Variants in SEMA5B observed in about 807,000 individuals in gnomAD.
SEMA5B encodes semaphorin-5B.
SEMA5B carries 66 observed loss-of-function variants against 135.0 expected under a neutral mutation model. The ratio of observed to expected loss-of-function variants is 0.49; its 90% confidence interval spans 0.40 to 0.60. SEMA5B has a LOEUF of 0.60. Among genes scored for constraint, SEMA5B ranks in the 20% least tolerant of loss-of-function variants. The pLI is 0.00. For synonymous variants in SEMA5B, 690 were observed against 639.5 expected, an observed-to-expected ratio of 1.08 and a Z score of -1.19; for missense variants, 1,501 against 1,566.3, an observed-to-expected ratio of 0.96 and a Z score of 0.70.
chr3:122,913,707 C>G, intron 15 of SEMA5B, 26 bp from the exon 16 acceptor site: 1 of 1,609,196 alleles, frequency 6.2e-7, no homozygotes, highest in South Asian at 1.1e-5. Flanking sequence ...AGGCGTCAAT[C>G]CAGGGAGGGG....
chr3:122,968,723 A>G (rs1303258605), intron 1 of SEMA5B, among the ~76,000 whole-genome samples: 2 of 152,146 alleles, frequency 1.3e-5, no homozygotes, highest in African/African-American at 4.8e-5. Context: ...CCTTCAGTCC[A>G]GGGTAGCTTT....
chr3:123,023,479 G>A (rs1315799812), intron 1 of SEMA5B, among the ~76,000 whole-genome samples: 1 of 152,126 alleles, frequency 6.6e-6, no homozygotes, highest in Non-Finnish European at 1.5e-5. Flanking sequence ...TGCATCCCCA[G>A]AGCTCCAGAT....
intron 1 of SEMA5B, among the ~76,000 whole-genome samples, chr3:123,013,197 G>C (rs941544319): frequency 3.0e-4 from 46 of 152,216 alleles, no homozygotes; most frequent in African/African-American, 9.4e-4. Flanking sequence ...TCCTATCTCA[G>C]CCTGGCTCAG....
intron 1 of SEMA5B, among the ~76,000 whole-genome samples, chr3:122,967,189 G>C (rs1940892251): frequency 6.6e-6 from 1 of 152,096 alleles, no homozygotes; most frequent in African/African-American, 2.4e-5. Flanking sequence ...CCAGCCTTAA[G>C]AATGTTTATT....
Position 123,002,911 on chromosome 3 carries a change from G to A in SEMA5B, c.-39+24553C>T, listed in dbSNP as rs550117487. On this transcript the variant is annotated intron_variant, in intron 1 of 22. Coordinates refer to ENST00000357599, the MANE Select transcript of SEMA5B (RefSeq NM_001031702.4). ...GATGACCCCGGACATACTTATTTCC[G>A]GAGATAAGGATGAGGTGGCACTTTG... Among the ~76,000 whole-genome samples the A allele has an allele frequency of 5.3e-5, 8 of 152,188 alleles. No homozygotes were observed. In the South Asian group the frequency reaches 6.3e-4, roughly 12 times the overall value.
At chr3:122,917,465 G>C (rs1446433022) in intron 12 of SEMA5B, among the ~76,000 whole-genome samples, 2 of 152,142 alleles carry the variant, frequency 1.3e-5, no homozygotes, top group Non-Finnish European at 2.9e-5. Flanking sequence ...GGCATCCCTG[G>C]GGTAGAATTT....
At position 122,961,112 on chromosome 3, in the gene SEMA5B, C is replaced by T. The variant is rs776664137; in HGVS notation, c.124+28G>A. The T allele has an allele frequency of 1.3e-5, 21 of 1,577,946 alleles. No homozygotes were observed. The East Asian group carries it at 1.4e-4, about 10-fold the overall frequency. On this transcript the variant is annotated intron_variant, in intron 2 of 22. Coordinates refer to ENST00000357599, the MANE Select transcript of SEMA5B (RefSeq NM_001031702.4). ...CCCCTCAGTCTGGTACCTGCTGCAG[C>T]CCCCCACACTCCCCTGGGCACACTT...
chr3:122,914,621 T>C (rs954100936), intron 14 of SEMA5B, among the ~76,000 whole-genome samples: 1 of 152,216 alleles, frequency 6.6e-6, no homozygotes, highest in Non-Finnish European at 1.5e-5. Context: ...TTAATAAATG[T>C]GTATGAAATA....
intron 12 of SEMA5B, among the ~76,000 whole-genome samples, chr3:122,921,300 C>T (rs1465196496): frequency 6.6e-6 from 1 of 152,180 alleles, no homozygotes; most frequent in East Asian, 1.9e-4. Flanking sequence ...GCTTTGGTTT[C>T]CCCCTTAAAC....
At chr3:122,963,589 T>C (rs1940686868) in intron 1 of SEMA5B, among the ~76,000 whole-genome samples, 1 of 152,022 alleles carries the variant, frequency 6.6e-6, no homozygotes, top group African/African-American at 2.4e-5. Context: ...AGAATCCAAA[T>C]GGCCTGAAAG....
At chr3:123,000,986 GGA>G (rs1316127755) in intron 1 of SEMA5B, among the ~76,000 whole-genome samples, 2 of 152,158 alleles carry the variant, frequency 1.3e-5, no homozygotes, top group Non-Finnish European at 2.9e-5. Context: ...GTTTTGCAAG[GGA>G]CTGCACTAGA....
At chr3:122,933,320 T>C (rs1257406205) in intron 5 of SEMA5B, among the ~76,000 whole-genome samples, 1 of 152,170 alleles carries the variant, frequency 6.6e-6, no homozygotes, top group Non-Finnish European at 1.5e-5. Context: ...TCTCTCTTCA[T>C]ACTTGATTGG....
intron 2 of SEMA5B, among the ~76,000 whole-genome samples, chr3:122,955,056 CCT>C: frequency 6.6e-6 from 1 of 151,800 alleles, no homozygotes; most frequent in Non-Finnish European, 1.5e-5. Context: ...ATCACCTCAA[CCT>C]CCCAAAATGC....
At chr3:122,935,103 CTTTG>C (rs1418872789) in intron 5 of SEMA5B, among the ~76,000 whole-genome samples, 2 of 152,122 alleles carry the variant, frequency 1.3e-5, no homozygotes, top group South Asian at 2.1e-4. Context: ...AAAAAAGCAT[CTTTG>C]TTTGTTTGCT....
chr3:123,022,500 G>A (rs926128044), intron 1 of SEMA5B, among the ~76,000 whole-genome samples: 7 of 152,176 alleles, frequency 4.6e-5, no homozygotes, highest in East Asian at 1.9e-4. Flanking sequence ...GGGAAAGCCC[G>A]ATGGAATCCT....
At position 122,911,975 on chromosome 3, in the gene SEMA5B, G is replaced by T; in HGVS notation, c.2991C>A (p.Ser997Arg). The change falls in exon 20 of 23, where the codon AGC becomes AGA. Residue 997 changes from serine (S) to arginine (R), a missense_variant. Ser to Arg is a moderately radical substitution (Grantham distance 110). Transcript: ENST00000357599. ...TCTGGCTGCTGTTTCCAGCACAGGC[G>T]CTGGACCCTGGGAGGAGCTCCTCAC... Reference protein sequence around the residue: ...RHCEELLPGSSACAGNSSQSR... With the variant: ...RHCEELLPGSRACAGNSSQSR... 1.2e-6 allele frequency: 2 copies of T among 1,612,908 alleles called. No individual in the cohort carries two copies.
intron 1 of SEMA5B, among the ~76,000 whole-genome samples, chr3:123,013,180 C>A (rs1942475784): frequency 6.6e-6 from 1 of 152,238 alleles, no homozygotes; most frequent in Admixed American, 6.5e-5. Flanking sequence ...CTAGTTATCT[C>A]ATACCTTCCT....
At chr3:122,931,532 C>G (rs556809773) in intron 5 of SEMA5B, among the ~76,000 whole-genome samples, 1 of 152,218 alleles carries the variant, frequency 6.6e-6, no homozygotes, top group East Asian at 1.9e-4. Context: ...TGAAAGTGCT[C>G]TTATTCAGAC....
intron 3 of SEMA5B, among the ~76,000 whole-genome samples, chr3:122,947,103 A>G (rs1282220226): frequency 1.3e-5 from 2 of 151,970 alleles, no homozygotes; most frequent in Non-Finnish European, 2.9e-5. Context: ...ATGTTTCATT[A>G]GGAGCTGCCA....
Sources: gnomAD v4.1 joint callset for allele counts (sites outside exome capture counted in the v4.1 genomes callset) on GRCh38, gnomAD v4.1.1 for gene constraint, MANE v1.5 for transcripts, NCBI Gene and HGNC (gene_info 2026-07-23, HGNC 2026-07-21) for gene names.